Variants in CDK14 observed in about 807,000 individuals in gnomAD.
CDK14 encodes the protein cyclin dependent kinase 14.
In CDK14, 34 loss-of-function variants were observed where a neutral mutation model predicts 60.7. That is an observed-to-expected ratio of 0.56 (90% CI 0.43 to 0.75). The LOEUF is 0.75. Among genes scored for constraint, CDK14 ranks in the 30% least tolerant of loss-of-function variants. The pLI, the probability that CDK14 is intolerant of heterozygous loss-of-function variation, is 0.00. For synonymous variants in CDK14, 197 were observed against 203.7 expected, an observed-to-expected ratio of 0.97 and a Z score of 0.28; for missense variants, 482 against 564.1, an observed-to-expected ratio of 0.85 and a Z score of 1.47.
At chr7:90,631,828 G>C (rs1389659847) in intron 2 of CDK14, 2 of 152,228 alleles carry the variant, frequency 1.3e-5, no homozygotes, top group Non-Finnish European at 2.9e-5. Context: ...GGAAGCTCAA[G>C]GGTAAATGGC....
intron 3 of CDK14, among the ~76,000 whole-genome samples, chr7:90,737,800 A>G (rs1803182762): frequency 6.6e-6 from 1 of 151,790 alleles, no homozygotes; most frequent in South Asian, 2.1e-4. Flanking sequence ...CCTCATACCC[A>G]CTCTCACAAT....
intron 8 of CDK14, among the ~76,000 whole-genome samples, chr7:90,929,077 T>G (rs1198352123): frequency 6.6e-6 from 1 of 152,194 alleles, no homozygotes; most frequent in African/African-American, 2.4e-5. Flanking sequence ...GGAACAGCAC[T>G]GTATTAGGGT....
intron 2 of CDK14, among the ~76,000 whole-genome samples, chr7:90,702,906 A>G (rs1206947647): frequency 6.6e-6 from 1 of 152,100 alleles, no homozygotes; most frequent in East Asian, 1.9e-4. Context: ...AGATTTTCCT[A>G]ATTTTTCAAA....
chr7:91,032,818 A>G (rs1254384698), intron 10 of CDK14, among the ~76,000 whole-genome samples: 1 of 152,230 alleles, frequency 6.6e-6, no homozygotes, highest in Non-Finnish European at 1.5e-5. Context: ...GTCACGGGAA[A>G]TCAATACATT....
chr7:90,723,862 C>G (rs952657486), intron 2 of CDK14, among the ~76,000 whole-genome samples: 1 of 152,124 alleles, frequency 6.6e-6, no homozygotes, highest in Non-Finnish European at 1.5e-5. Flanking sequence ...TAATTTTTTG[C>G]ATCTGTGTTC....
intron 2 of CDK14, among the ~76,000 whole-genome samples, chr7:90,693,095 T>A (rs1422206807): frequency 6.6e-6 from 1 of 152,218 alleles, no homozygotes; most frequent in Non-Finnish European, 1.5e-5. Context: ...TTTTTCATAC[T>A]GTTATAGGAA....
chr7:91,066,717 T>G (rs1285971425), intron 11 of CDK14, among the ~76,000 whole-genome samples: 1 of 152,218 alleles, frequency 6.6e-6, no homozygotes, highest in East Asian at 1.9e-4. Context: ...TGTTCTCCAG[T>G]TGTTTTCCTG....
chr7:91,000,763 T>C (rs1316289030), intron 10 of CDK14, among the ~76,000 whole-genome samples: 2 of 152,200 alleles, frequency 1.3e-5, no homozygotes, highest in African/African-American at 4.8e-5. Flanking sequence ...TCTTCACATT[T>C]AATGACATTC....
intron 2 of CDK14, among the ~76,000 whole-genome samples, chr7:90,635,793 A>G (rs1384041209): frequency 6.6e-6 from 1 of 151,770 alleles, no homozygotes; most frequent in Non-Finnish European, 1.5e-5. Context: ...ATTTGTTTGT[A>G]TCCTCTTTTA....
chr7:90,826,332 C>T (rs977258850), intron 5 of CDK14, among the ~76,000 whole-genome samples: 4 of 152,260 alleles, frequency 2.6e-5, no homozygotes, highest in Admixed American at 1.3e-4. Flanking sequence ...AATTCTCCTG[C>T]CTCAGCCTTG....
At chr7:90,836,885 C>G (rs1378135687) in intron 5 of CDK14, among the ~76,000 whole-genome samples, 1 of 152,166 alleles carries the variant, frequency 6.6e-6, no homozygotes, top group East Asian at 1.9e-4. Context: ...ATGTACAGTA[C>G]ATCATTGACC....
chr7:91,098,208 G>A (rs1388142469), intron 12 of CDK14, among the ~76,000 whole-genome samples: 2 of 152,168 alleles, frequency 1.3e-5, no homozygotes, highest in Non-Finnish European at 2.9e-5. Flanking sequence ...TGAAATTAGA[G>A]TGCCCAGCAA....
intron 14 of CDK14, among the ~76,000 whole-genome samples, chr7:91,186,296 C>T (rs1215233815): frequency 7.6e-5 from 5 of 65,478 alleles, no homozygotes; most frequent in Admixed American, 3.2e-4. Context: ...TCCTCTCCTC[C>T]CCTCCCCTCC....
At chr7:91,095,671 G>A (rs980781578) in intron 12 of CDK14, among the ~76,000 whole-genome samples, 5 of 152,160 alleles carry the variant, frequency 3.3e-5, no homozygotes, top group Admixed American at 1.3e-4. Context: ...AGGAAATTAC[G>A]TATGGAGATT....
At chr7:90,678,942 ATTTTG>A (rs1801258170) in intron 2 of CDK14, among the ~76,000 whole-genome samples, 1 of 152,090 alleles carries the variant, frequency 6.6e-6, no homozygotes. Flanking sequence ...GTTGGAAACA[ATTTTG>A]TTTTGTTTTA....
chr7:90,726,419 A>T, intron 2 of CDK14, 148 bp from the exon 3 acceptor site: 1 of 1,223,016 alleles, frequency 8.2e-7, no homozygotes, highest in Non-Finnish European at 1.1e-6. Context: ...TTGTACTGTA[A>T]TTTATGCTGA....
chr7:90,731,612 G>A (rs1802868746), intron 3 of CDK14, among the ~76,000 whole-genome samples: 1 of 152,206 alleles, frequency 6.6e-6, no homozygotes, highest in East Asian at 1.9e-4. Flanking sequence ...ATTGTGAATG[G>A]GAGTTCACTC....
At chr7:90,951,524 A>G (rs1794263337) in intron 8 of CDK14, among the ~76,000 whole-genome samples, 1 of 152,210 alleles carries the variant, frequency 6.6e-6, no homozygotes, top group Admixed American at 6.5e-5. Context: ...TAGTCAAAGC[A>G]AAGGAATGGG....
At chr7:90,729,536 C>A (rs557783519) in intron 3 of CDK14, among the ~76,000 whole-genome samples, 3 of 151,290 alleles carry the variant, frequency 2.0e-5, no homozygotes, top group Non-Finnish European at 4.4e-5. Flanking sequence ...GAGATAAATA[C>A]ATGTTTTCAA....
Sources: gnomAD v4.1 joint callset for allele counts (sites outside exome capture counted in the v4.1 genomes callset) on GRCh38, gnomAD v4.1.1 for gene constraint, MANE v1.5 for transcripts, NCBI Gene and HGNC (gene_info 2026-07-23, HGNC 2026-07-21) for gene names.